Variants in MYCBP2 observed in about 807,000 individuals in gnomAD.
MYCBP2 encodes the protein MYC binding protein 2, also known as E3 ubiquitin-protein ligase MYCBP2.
MYCBP2 carries 120 observed loss-of-function variants against 525.3 expected under a neutral mutation model. That is an observed-to-expected ratio of 0.23 (90% CI 0.20 to 0.27). The LOEUF is 0.27. Among genes scored for constraint, MYCBP2 ranks in the 10% least tolerant of loss-of-function variants. The probability of loss-of-function intolerance (pLI) is 1.00; values close to 1 mark genes in which losing one functional copy is unlikely to be tolerated. For synonymous variants in MYCBP2, 1,894 were observed against 1,955.8 expected, an observed-to-expected ratio of 0.97 and a Z score of 0.83; for missense variants, 4,149 against 5,657.1, an observed-to-expected ratio of 0.73 and a Z score of 8.55.
intron 80 of MYCBP2, among the ~76,000 whole-genome samples, chr13:77,053,469 G>A (rs1269363738): frequency 6.6e-6 from 1 of 152,120 alleles, no homozygotes; most frequent in African/African-American, 2.4e-5. Context: ...CCAAAGACAG[G>A]ATCCATTGAT....
intron 18 of MYCBP2, among the ~76,000 whole-genome samples, chr13:77,229,816 A>T (rs371162741): frequency 6.6e-6 from 1 of 152,276 alleles, no homozygotes; most frequent in East Asian, 1.9e-4. Flanking sequence ...TATTTTCATC[A>T]CACTGCACCA....
At chr13:77,179,040 G>A (rs961261028) in intron 34 of MYCBP2, among the ~76,000 whole-genome samples, 10 of 152,180 alleles carry the variant, frequency 6.6e-5, no homozygotes, top group African/African-American at 2.4e-4. Context: ...CAGGATGAGA[G>A]ACTAAAATTA....
At chr13:77,232,245 T>C (rs1221809001) in intron 18 of MYCBP2, among the ~76,000 whole-genome samples, 1 of 152,212 alleles carries the variant, frequency 6.6e-6, no homozygotes, top group Non-Finnish European at 1.5e-5. Context: ...AAACATTAAT[T>C]AGATTAATTT....
At chr13:77,257,356 T>G (rs2072430165) in intron 14 of MYCBP2, among the ~76,000 whole-genome samples, 3 of 152,010 alleles carry the variant, frequency 2.0e-5, no homozygotes. Context: ...GCGATAATTT[T>G]TTGTATACTT....
Position 77,263,750 on chromosome 13 carries a change from G to A in MYCBP2, c.1471C>T (p.Pro491Ser), listed in dbSNP as rs1279161093. The A allele has an allele frequency of 6.2e-7, 1 of 1,613,144 alleles. No homozygotes were observed. Among genetic ancestry groups the A allele is most frequent in the African/African-American group, 1.3e-5 (1 of 74,988 alleles). Residue 491 changes from proline to serine, a missense_variant, in exon 10 of 83, where the codon CCT (proline) becomes TCT (serine). This residue lies in a region of MYCBP2 where 262 missense variants were observed against 419.3 expected (regional missense o/e 0.62). Coordinates refer to ENST00000544440, the MANE Select transcript of MYCBP2 (RefSeq NM_015057.5). ...AGTTGCAATTCTTGCTGTAGAACAG[G>A]TTCAGTGCTTGTGGCAAATATTCTG... ...VVRIFATSTE[P>S]VLQQELQLKL...
At chr13:77,080,663 T>G (rs1319426793) in intron 65 of MYCBP2, 2 of 152,286 alleles carry the variant, frequency 1.3e-5, no homozygotes, top group Admixed American at 1.3e-4. Flanking sequence ...GAAGATAGGC[T>G]GGGTGCAGTG....
chr13:77,200,235 C>T (rs1388183161), intron 26 of MYCBP2, among the ~76,000 whole-genome samples: 1 of 152,010 alleles, frequency 6.6e-6, no homozygotes, highest in African/African-American at 2.4e-5. Context: ...TCGAGAACTA[C>T]GTGAAGAATG....
chr13:77,058,854 G>A lies in MYCBP2; in HGVS notation c.13141-448C>T, dbSNP rs530891777. Among the ~76,000 whole-genome samples the A allele has an allele frequency of 2.4e-4, 36 of 152,130 alleles. No individual in the cohort carries two copies. Among genetic ancestry groups the A allele is most frequent in the African/African-American group, 7.9e-4 (33 of 41,510 alleles). On this transcript the variant is annotated intron_variant, in intron 77 of 82. Coordinates refer to ENST00000544440, the MANE Select transcript of MYCBP2 (RefSeq NM_015057.5). This position sits in a 1 kb window ranked among gnomAD's most constrained non-coding sequence, Gnocchi z 4.1. ...ACAAAAATTAACCAGGCATGGTGGCGCGCGCCTGTAATCCCAGCTACTTAG... is the reference window on the plus strand; with the variant it reads ...ACAAAAATTAACCAGGCATGGTGGCACGCGCCTGTAATCCCAGCTACTTAG...
chr13:77,057,660 A>ATT (rs1360271020), intron 78 of MYCBP2, among the ~76,000 whole-genome samples: 1 of 152,146 alleles, frequency 6.6e-6, no homozygotes, highest in African/African-American at 2.4e-5. Flanking sequence ...GCTTCTGAAT[A>ATT]TTTTATACAT....
intron 54 of MYCBP2, among the ~76,000 whole-genome samples, chr13:77,123,445 T>A (rs923578930): frequency 8.5e-5 from 13 of 152,198 alleles, no homozygotes; most frequent in African/African-American, 3.1e-4. Context: ...AGAATAAAAT[T>A]TCCCAGGTTA....
chr13:77,131,652 C>T (rs1373657499), intron 52 of MYCBP2, among the ~76,000 whole-genome samples: 1 of 152,082 alleles, frequency 6.6e-6, no homozygotes, highest in Non-Finnish European at 1.5e-5. Flanking sequence ...AATATGTTAG[C>T]TTTCATATAG....
At position 77,156,064 on chromosome 13, in the gene MYCBP2, A is replaced by G; in HGVS notation, c.6909T>C (p.Asn2303=). ...TTAATCCAGTTATAATTACCTTCAT[A>G]TTGGGAACATGTACCACATCCCCAT... ...DQYGDVVHVP[N]MKVEVKAVPV... The change falls in exon 46 of 83, where the codon AAT becomes AAC. Residue 2303 remains asparagine, a synonymous_variant. Transcript: ENST00000544440. 4 of 1,612,078 alleles carry G rather than the reference A, an allele frequency of 2.5e-6. No homozygotes were observed. The highest frequency in any genetic ancestry group is 3.4e-6 in the Non-Finnish European group (4 of 1,178,908).
At chr13:77,193,876 G>A (rs947545977) in intron 27 of MYCBP2, among the ~76,000 whole-genome samples, 2 of 152,086 alleles carry the variant, frequency 1.3e-5, no homozygotes, top group Non-Finnish European at 2.9e-5. Flanking sequence ...CGTAAGAGAT[G>A]CATGAAAGTA....
intron 79 of MYCBP2, among the ~76,000 whole-genome samples, chr13:77,056,087 C>T (rs146959275): frequency 1.4e-5 from 2 of 146,596 alleles, no homozygotes; most frequent in Non-Finnish European, 3.0e-5. Flanking sequence ...AAATAAGACA[C>T]GCTCTGTGTT....
At chr13:77,279,094 G>A (rs2075922846) in intron 3 of MYCBP2, among the ~76,000 whole-genome samples, 183 bp from the exon 4 acceptor site, 1 of 152,152 alleles carries the variant, frequency 6.6e-6, no homozygotes, top group Admixed American at 6.5e-5. Context: ...CATTCACTCA[G>A]AAGAAATAAA....
intron 82 of MYCBP2, among the ~76,000 whole-genome samples, chr13:77,050,170 A>T (rs1010880933): frequency 2.6e-5 from 4 of 152,074 alleles, no homozygotes; most frequent in Non-Finnish European, 4.4e-5. Context: ...CTGAAGAGGG[A>T]GTGCTGAAGG....
At chr13:77,064,835 T>C in intron 72 of MYCBP2, 101 bp from the exon 73 acceptor site, 1 of 1,154,522 alleles carries the variant, frequency 8.7e-7, no homozygotes, top group Middle Eastern at 2.1e-4. Flanking sequence ...GAAATATTTG[T>C]TTTTAGTGAG....
At chr13:77,319,594 T>C (rs1203857856) in intron 1 of MYCBP2, among the ~76,000 whole-genome samples, 1 of 152,196 alleles carries the variant, frequency 6.6e-6, no homozygotes, top group African/African-American at 2.4e-5. Context: ...CTCCAATCTA[T>C]CAATGTTATT....
chr13:77,251,294 T>C lies in MYCBP2; in HGVS notation c.2238A>G (p.Glu746=). The C allele has an allele frequency of 1.9e-6, 3 of 1,614,236 alleles. No homozygotes were observed. Among genetic ancestry groups the C allele is most frequent in the Non-Finnish European group, 2.5e-6 (3 of 1,180,034 alleles). Residue 746 remains glutamate (E), a synonymous_variant, in exon 15 of 83, where the codon GAA becomes GAG. Coordinates refer to ENST00000544440, the MANE Select transcript of MYCBP2 (RefSeq NM_015057.5). Reference sequence around the variant, plus strand: ...GGCACATCATAGACTTCTCATCTTTTTCATCTAGTTCTTCTTCCAGGTCTT... The same window carrying C: ...GGCACATCATAGACTTCTCATCTTTCTCATCTAGTTCTTCTTCCAGGTCTT... ...MDEDLEEELD[E]KDEKSMMCPP...
Sources: allele counts gnomAD v4.1 joint callset (sites outside exome capture counted in the v4.1 genomes callset), GRCh38; gene constraint gnomAD v4.1.1; regional missense constraint gnomAD v4.1.1; non-coding constraint Gnocchi (gnomAD v3.1); transcripts MANE v1.5; gene names NCBI Gene and HGNC (gene_info 2026-07-23, HGNC 2026-07-21).